Variants in LEF1 observed in about 807,000 individuals in gnomAD.
LEF1 encodes lymphoid enhancer-binding factor 1.
Under a neutral mutation model 51.2 loss-of-function variants are expected in LEF1, and 14 were observed. The ratio of observed to expected loss-of-function variants is 0.27; its 90% CI spans 0.18 to 0.43. LEF1 has a LOEUF of 0.43. Ranked by LOEUF, LEF1 falls within the 20% of genes least tolerant of loss-of-function variation. The probability of loss-of-function intolerance (pLI) is 1.00; values close to 1 mark genes in which losing one functional copy is unlikely to be tolerated. For synonymous variants in LEF1, 185 were observed against 183.2 expected (o/e 1.01, Z -0.08); for missense variants, 386 against 512.0 (o/e 0.75, Z 2.37).
intron 3 of LEF1, among the ~76,000 whole-genome samples, chr4:108,145,325 A>G (rs1243543273): frequency 6.6e-6 from 1 of 152,244 alleles, no homozygotes; most frequent in Non-Finnish European, 1.5e-5. Flanking sequence ...AAGAGCTTGC[A>G]TTAAAGCTAA....
intron 3 of LEF1, among the ~76,000 whole-genome samples, chr4:108,137,400 CA>C (rs1315475957): frequency 1.3e-5 from 2 of 152,178 alleles, no homozygotes; most frequent in Non-Finnish European, 2.9e-5. Flanking sequence ...GCAATTAAAA[CA>C]GAAAGTCCAA....
chr4:108,077,434 A>G (rs13142349), intron 8 of LEF1, among the ~76,000 whole-genome samples: 88,286 of 115,116 alleles, frequency 0.77, 34,864 homozygotes, highest in East Asian at 0.96. Context: ...AGTGAGGGGC[A>G]CCTCTGCCCG....
At chr4:108,128,895 A>G (rs980238884) in intron 3 of LEF1, among the ~76,000 whole-genome samples, 4 of 152,228 alleles carry the variant, frequency 2.6e-5, no homozygotes, top group Non-Finnish European at 5.9e-5. Context: ...AGAAACCCAT[A>G]AAAATGTCCA....
chr4:108,157,785 C>A (rs1355304245), intron 3 of LEF1, among the ~76,000 whole-genome samples: 1 of 152,228 alleles, frequency 6.6e-6, no homozygotes, highest in Non-Finnish European at 1.5e-5. Context: ...TGAGTACCAT[C>A]GCTCAGTGAG....
chr4:108,086,626 T>C (rs1047094491), intron 4 of LEF1, among the ~76,000 whole-genome samples: 1 of 152,202 alleles, frequency 6.6e-6, no homozygotes, highest in Admixed American at 6.5e-5. Flanking sequence ...GAAGAATAAA[T>C]GCATTAATAT....
At chr4:108,049,311 T>G (rs184497396) in intron 11 of LEF1, among the ~76,000 whole-genome samples, 16 of 152,328 alleles carry the variant, frequency 1.1e-4, no homozygotes, top group Admixed American at 4.6e-4. Context: ...CAAGATTTTT[T>G]TTTCCTTCCT....
chr4:108,102,826 G>T (rs1207401888), intron 3 of LEF1, among the ~76,000 whole-genome samples: 1 of 152,210 alleles, frequency 6.6e-6, no homozygotes, highest in Non-Finnish European at 1.5e-5. Context: ...AAAGGGTGAT[G>T]TCTTGAGGGA....
intron 3 of LEF1, among the ~76,000 whole-genome samples, chr4:108,107,788 C>G (rs1278082379): frequency 1.3e-5 from 2 of 152,044 alleles, no homozygotes; most frequent in East Asian, 1.9e-4. Flanking sequence ...CCCCCGCCCC[C>G]CAACATGCTG....
intron 3 of LEF1, among the ~76,000 whole-genome samples, chr4:108,157,177 T>TACACACACAC (rs1326345518): frequency 0.054 from 4,807 of 88,842 alleles, 85 homozygotes; most frequent in East Asian, 0.1. Flanking sequence ...TCTATATATA[T>TACACACACAC]ATACACACAC....
intron 3 of LEF1, among the ~76,000 whole-genome samples, chr4:108,108,390 G>A (rs957572825): frequency 5.9e-5 from 9 of 152,038 alleles, no homozygotes; most frequent in African/African-American, 1.4e-4. Context: ...TGACTCACTC[G>A]TAGTATACCC....
At chr4:108,095,269 T>C (rs1318330966) in intron 3 of LEF1, among the ~76,000 whole-genome samples, 2 of 152,202 alleles carry the variant, frequency 1.3e-5, no homozygotes, top group Non-Finnish European at 2.9e-5. Context: ...GGGAAAGGAA[T>C]TAACATGGGT....
At chr4:108,061,813 A>C (rs973353910) in intron 11 of LEF1, among the ~76,000 whole-genome samples, 3 of 152,200 alleles carry the variant, frequency 2.0e-5, no homozygotes, top group African/African-American at 7.2e-5. Flanking sequence ...CCACTGAGTT[A>C]AAATGAGTAT....
Position 108,048,558 on chromosome 4 carries a change from G to T in LEF1, c.*200C>A. 1 of 547,734 alleles carries T rather than the reference G, an allele frequency of 1.8e-6. No homozygotes were observed. The highest frequency in any genetic ancestry group is 3.1e-6 in the Non-Finnish European group (1 of 325,244). The allele number at this position is 547,734 out of a possible 1,614,324, so 33.9% of individuals were successfully genotyped here. A position where few individuals can be genotyped will look rare whatever the true frequency, so the allele number is the denominator to read the frequency against. ...TGGCTCTTGCAGTAGACGAAAGAGGGGTTGGCAGTGATTGTCTTTATGGAT... is the reference window on the plus strand; with the variant it reads ...TGGCTCTTGCAGTAGACGAAAGAGGTGTTGGCAGTGATTGTCTTTATGGAT... On this transcript the variant is annotated 3_prime_UTR_variant, in exon 12 of 12. Transcript: ENST00000265165.
At chr4:108,148,933 T>C (rs1000032067) in intron 3 of LEF1, among the ~76,000 whole-genome samples, 1 of 152,186 alleles carries the variant, frequency 6.6e-6, no homozygotes. Context: ...GCTGCACGGA[T>C]ATCAAAGATA....
intron 8 of LEF1, among the ~76,000 whole-genome samples, chr4:108,073,723 A>G (rs1256138770): frequency 6.6e-6 from 1 of 152,210 alleles, no homozygotes; most frequent in Non-Finnish European, 1.5e-5. Flanking sequence ...AGGTTGACAA[A>G]AAGACCCAAG....
chr4:108,142,713 G>A (rs972540239), intron 3 of LEF1, among the ~76,000 whole-genome samples: 3 of 152,174 alleles, frequency 2.0e-5, no homozygotes, highest in Non-Finnish European at 4.4e-5. Flanking sequence ...AAAACCTTCC[G>A]TTATTCCAAT....
chr4:108,060,908 C>T (rs1431359896), intron 11 of LEF1, among the ~76,000 whole-genome samples: 1 of 152,110 alleles, frequency 6.6e-6, no homozygotes, highest in African/African-American at 2.4e-5. Flanking sequence ...AACAAGTCAG[C>T]TACTATACAA....
chr4:108,073,993 T>A (rs1055717889), intron 8 of LEF1, among the ~76,000 whole-genome samples: 1 of 152,114 alleles, frequency 6.6e-6, no homozygotes, highest in South Asian at 2.1e-4. Context: ...GCCCGGCTAC[T>A]TTTTTGTATT....
At chr4:108,092,929 A>C (rs867462864) in intron 3 of LEF1, among the ~76,000 whole-genome samples, 45 of 140,870 alleles carry the variant, frequency 3.2e-4, no homozygotes, top group East Asian at 9.9e-4. Flanking sequence ...AAAAAAAAAA[A>C]AAAAAAAAAA....
Sources: gnomAD v4.1 joint callset for allele counts (sites outside exome capture counted in the v4.1 genomes callset) on GRCh38, gnomAD v4.1.1 for gene constraint, MANE v1.5 for transcripts, NCBI Gene and HGNC (gene_info 2026-07-23, HGNC 2026-07-21) for gene names.